CHRDL1: variants seen among roughly 807,000 people sequenced by gnomAD.
CHRDL1 encodes the protein chordin-like protein 1.
In CHRDL1, 19 loss-of-function variants were observed where a neutral mutation model predicts 40.9. The ratio of observed to expected loss-of-function variants is 0.46; its 90% CI spans 0.32 to 0.68. The LOEUF is 0.68. Ranked by LOEUF, CHRDL1 falls within the 30% of genes least tolerant of loss-of-function variation. The pLI is 0.03. For synonymous variants in CHRDL1, 136 were observed against 123.4 expected, an observed-to-expected ratio of 1.10 and a Z score of -0.68; for missense variants, 329 against 352.1, an observed-to-expected ratio of 0.93 and a Z score of 0.53.
At chrX:110,704,470 A>G (rs1051100137) in intron 6 of CHRDL1, among the ~76,000 whole-genome samples, 1 of 111,560 alleles carries the variant, frequency 9.0e-6, no homozygotes, top group African/African-American at 3.3e-5. Context: ...CGAATGCAGG[A>G]GGCCATACAG....
chrX:110,684,811 T>C (rs762353003), intron 9 of CHRDL1, among the ~76,000 whole-genome samples: 2 of 112,522 alleles, frequency 1.8e-5, no homozygotes, highest in South Asian at 3.7e-4. Flanking sequence ...CTTGGCTATG[T>C]GGCTATTGAC....
chrX:110,710,154 T>C (rs1043547128), intron 6 of CHRDL1, among the ~76,000 whole-genome samples: 2 of 112,277 alleles, frequency 1.8e-5, no homozygotes, highest in Admixed American at 1.9e-4. Context: ...TTGTATACAC[T>C]GCTCTTCCTT....
intron 4 of CHRDL1, among the ~76,000 whole-genome samples, chrX:110,744,450 G>A (rs1161084566): frequency 9.0e-6 from 1 of 111,069 alleles, no homozygotes; most frequent in Non-Finnish European, 1.9e-5. Flanking sequence ...TCTGGCCCTA[G>A]TGCTGTGGTT....
Position 110,674,542 on chromosome X carries a change from G to A in CHRDL1, c.*1689C>T, listed in dbSNP as rs938261044. 5 of 107,926 alleles carry A rather than the reference G, an allele frequency of 4.6e-5. No individual in the cohort carries two copies. The highest frequency in any genetic ancestry group is 7.6e-5 in the Non-Finnish European group (4 of 52,452). The allele number at this position is 107,926 out of a possible 1,213,427, so 8.9% of individuals were successfully genotyped here. A position where few individuals can be genotyped will look rare whatever the true frequency, so the allele number is the denominator to read the frequency against. On this transcript the variant is annotated 3_prime_UTR_variant, in exon 12 of 12. Coordinates refer to ENST00000372042, the MANE Select transcript of CHRDL1 (RefSeq NM_001143981.2). ...TGTGACCTCTCAACCGGGATGTACT[G>A]CTTCTCTCTTCCAAGGAGAACGTGT...
intron 4 of CHRDL1, among the ~76,000 whole-genome samples, chrX:110,752,564 G>GTAA (rs759532058): frequency 1.8e-5 from 2 of 110,927 alleles, no homozygotes; most frequent in African/African-American, 3.3e-5. Context: ...ACCTAAAATA[G>GTAA]TAATAATAAT....
chrX:110,746,751 G>A (rs2089260678), intron 4 of CHRDL1, among the ~76,000 whole-genome samples: 2 of 111,196 alleles, frequency 1.8e-5, no homozygotes, highest in South Asian at 7.7e-4. Context: ...ATGGTTTCAG[G>A]CTTTGCCCAT....
chrX:110,748,139 CCT>C (rs1028005435), intron 4 of CHRDL1, among the ~76,000 whole-genome samples: 2 of 111,837 alleles, frequency 1.8e-5, no homozygotes, highest in African/African-American at 6.5e-5. Context: ...GGTGAAGGCC[CCT>C]GTCTTTCTTT....
chrX:110,713,712 G>A lies in CHRDL1; in HGVS notation c.541+6123C>T, dbSNP rs150319408. Among the ~76,000 whole-genome samples, 866 of 112,719 alleles carry A rather than the reference G, an allele frequency of 7.7e-3. 1 individual carries two copies. The highest frequency in any genetic ancestry group is 0.032 in the Middle Eastern group (7 of 219). On this transcript the variant is annotated intron_variant, in intron 6 of 11. Coordinates refer to ENST00000372042, the MANE Select transcript of CHRDL1 (RefSeq NM_001143981.2). The stretch of plus-strand genomic sequence containing the variant: ...CTTTTCTGCCTTAGCTTCCGCATCT[G>A]TAGAATGGGGATATAAATAGTTGCT...
At chrX:110,741,523 A>G (rs2071359938) in intron 4 of CHRDL1, among the ~76,000 whole-genome samples, 1 of 111,002 alleles carries the variant, frequency 9.0e-6, no homozygotes, top group African/African-American at 3.3e-5. Context: ...TAAGTAAGGA[A>G]GTAGGCTCTT....
At chrX:110,736,611 C>T (rs184923244) in intron 4 of CHRDL1, among the ~76,000 whole-genome samples, 1 of 111,669 alleles carries the variant, frequency 9.0e-6, no homozygotes, top group African/African-American at 3.3e-5. Context: ...AAAAGAGGAA[C>T]AAGGAGACCA....
chrX:110,747,105 T>A (rs1328981904), intron 4 of CHRDL1, among the ~76,000 whole-genome samples: 1 of 109,856 alleles, frequency 9.1e-6, no homozygotes, highest in African/African-American at 3.3e-5. Context: ...GCAGGCATAC[T>A]CCACAGGTCC....
intron 2 of CHRDL1, among the ~76,000 whole-genome samples, chrX:110,783,667 T>C (rs2089977131): frequency 8.9e-6 from 1 of 111,965 alleles, no homozygotes; most frequent in South Asian, 3.7e-4. Flanking sequence ...ACTTGTGAGA[T>C]GGACCTTCAA....
At chrX:110,741,937 C>A (rs936281716) in intron 4 of CHRDL1, among the ~76,000 whole-genome samples, 3 of 111,889 alleles carry the variant, frequency 2.7e-5, no homozygotes, top group Admixed American at 1.9e-4. Flanking sequence ...CCTTTGGTGA[C>A]TGTTAACAGG....
intron 2 of CHRDL1, among the ~76,000 whole-genome samples, chrX:110,787,884 A>C (rs1341764199): frequency 8.9e-6 from 1 of 112,924 alleles, no homozygotes; most frequent in Non-Finnish European, 1.9e-5. Flanking sequence ...TTAGAAATAC[A>C]TAATTGAATA....
At chrX:110,759,410 T>C (rs1220032220) in intron 4 of CHRDL1, among the ~76,000 whole-genome samples, 3 of 112,537 alleles carry the variant, frequency 2.7e-5, no homozygotes, top group Non-Finnish European at 5.6e-5. Context: ...CCATCTCCGA[T>C]TGACACCCAC....
intron 8 of CHRDL1, 108 bp downstream of exon 8, chrX:110,694,055 A>ATATGGGC: frequency 1.7e-6 from 1 of 599,972 alleles, no homozygotes; most frequent in East Asian, 3.3e-5. Context: ...CCACAAGTGA[A>ATATGGGC]TATGGGCTAT....
At chrX:110,739,344 T>G (rs762454637) in intron 4 of CHRDL1, among the ~76,000 whole-genome samples, 44 of 111,961 alleles carry the variant, frequency 3.9e-4, no homozygotes, top group Non-Finnish European at 7.1e-4. Flanking sequence ...TACACTACAT[T>G]CCATAGTCTC....
intron 2 of CHRDL1, among the ~76,000 whole-genome samples, chrX:110,784,117 A>G (rs2089982505): frequency 8.9e-6 from 1 of 112,006 alleles, no homozygotes; most frequent in South Asian, 3.8e-4. Flanking sequence ...AAATAAAGGC[A>G]TAAGTACGTC....
intron 4 of CHRDL1, among the ~76,000 whole-genome samples, chrX:110,722,085 C>A (rs1462751163): frequency 9.0e-6 from 1 of 111,310 alleles, no homozygotes; most frequent in Non-Finnish European, 1.9e-5. Flanking sequence ...GCAACCTCTG[C>A]CTCCTGGGTT....
Sources: gnomAD v4.1 joint callset for allele counts (sites outside exome capture counted in the v4.1 genomes callset) on GRCh38, gnomAD v4.1.1 for gene constraint, MANE v1.5 for transcripts, NCBI Gene and HGNC (gene_info 2026-07-23, HGNC 2026-07-21) for gene names.